Variants in RAB11FIP1 observed in about 807,000 individuals in gnomAD.
The protein encoded by RAB11FIP1 is rab11 family-interacting protein 1.
Under a neutral mutation model 83.1 loss-of-function variants are expected in RAB11FIP1, and 49 were observed. The observed-to-expected ratio is 0.59, with a 90% CI of 0.47 to 0.75. The LOEUF is 0.75. Ranked by LOEUF, RAB11FIP1 falls within the 30% of genes least tolerant of loss-of-function variation. The probability of loss-of-function intolerance (pLI) is 0.00; values close to 1 mark genes in which losing one functional copy is unlikely to be tolerated. For missense variants in RAB11FIP1, 1,536 were observed against 1,598.7 expected (o/e 0.96, Z 0.67); for synonymous variants, 670 against 656.0 (o/e 1.02, Z -0.33).
intron 1 of RAB11FIP1, among the ~76,000 whole-genome samples, chr8:37,896,218 G>A (rs1807087141): frequency 6.6e-6 from 1 of 151,842 alleles, no homozygotes; most frequent in Admixed American, 6.6e-5. Context: ...GCTGAGGCAG[G>A]AGAATTGCTA....
intron 1 of RAB11FIP1, among the ~76,000 whole-genome samples, chr8:37,892,698 A>G (rs1806974016): frequency 6.6e-6 from 1 of 152,100 alleles, no homozygotes; most frequent in African/African-American, 2.4e-5. Flanking sequence ...TTGGCCTCCC[A>G]AAGTACTGGG....
chr8:37,873,346 T>C (rs1806526181), intron 3 of RAB11FIP1, 167 bp from the exon 4 acceptor site: 3 of 692,070 alleles, frequency 4.3e-6, no homozygotes, highest in Non-Finnish European at 2.3e-6. Flanking sequence ...GGCTCACGCC[T>C]GTAATCCCAG....
chr8:37,890,863 A>C (rs1166598756), intron 1 of RAB11FIP1, among the ~76,000 whole-genome samples: 2 of 152,088 alleles, frequency 1.3e-5, no homozygotes. Flanking sequence ...CTTTGATTTC[A>C]TACTTCGGAC....
rs2130120762 is a variant in RAB11FIP1 at position 37,863,069 on chromosome 8, G to A, written c.3678C>T (p.Thr1226=). Residue 1226 remains threonine, a synonymous_variant, in exon 6 of 6, where the codon ACC becomes ACT. Coordinates refer to ENST00000330843, the MANE Select transcript of RAB11FIP1 (RefSeq NM_001002814.3). ...GGACCAGCTGAATCAGCTCATCGTG[G>A]GTCAGCTGCGCATATGCAAATGCAG... ...SDPAFAYAQL[T]HDELIQLVLK... The A allele has an allele frequency of 6.2e-7, 1 of 1,612,764 alleles. No homozygotes were observed. The highest frequency in any genetic ancestry group is 8.5e-7 in the Non-Finnish European group (1 of 1,179,998).
intron 2 of RAB11FIP1, among the ~76,000 whole-genome samples, chr8:37,875,558 G>T (rs1806591167): frequency 6.6e-6 from 1 of 152,164 alleles, no homozygotes; most frequent in Non-Finnish European, 1.5e-5. Context: ...CTGAGGTTGA[G>T]AAACTCTGGG....
At chr8:37,878,070 CT>C (rs1806654836) in intron 1 of RAB11FIP1, 1 of 152,486 alleles carries the variant, frequency 6.6e-6, no homozygotes. Context: ...TTATTTTGCA[CT>C]TTTATTTTTG....
At chr8:37,865,970 G>C (rs1311134529) in intron 5 of RAB11FIP1, among the ~76,000 whole-genome samples, 11 of 152,078 alleles carry the variant, frequency 7.2e-5, no homozygotes, top group Non-Finnish European at 4.4e-5. Flanking sequence ...TTTGGATTCT[G>C]TAATTGAAAG....
At chr8:37,865,973 A>G (rs1806333741) in intron 5 of RAB11FIP1, among the ~76,000 whole-genome samples, 1 of 152,166 alleles carries the variant, frequency 6.6e-6, no homozygotes, top group Non-Finnish European at 1.5e-5. Flanking sequence ...GGATTCTGTA[A>G]TTGAAAGGGA....
rs1470260445 is a variant in RAB11FIP1 at position 37,879,270 on chromosome 8, T to G, written c.372-1719A>C. 2.0e-5 allele frequency among the ~76,000 whole-genome samples: 3 copies of G among 151,800 alleles called. No homozygotes were observed. In the East Asian group the frequency reaches 5.8e-4, roughly 29 times the overall value. On this transcript the variant is annotated intron_variant, in intron 1 of 5. Transcript: ENST00000330843. ...TTGCAGTGAGCCAAGATCATGCCAC[T>G]GCACTCCAGCACTCCAGCTTAGGCG... is the stretch of plus-strand genomic sequence containing the variant.
chr8:37,873,333 G>A (rs573561921), intron 3 of RAB11FIP1, 154 bp from the exon 4 acceptor site: 53 of 793,686 alleles, frequency 6.7e-5, no homozygotes, highest in East Asian at 2.5e-4. Context: ...AGCCGGGCGC[G>A]GTGGCTCACG....
intron 4 of RAB11FIP1, 169 bp downstream of exon 4, chr8:37,871,109 G>A (rs757790711): frequency 8.2e-6 from 6 of 734,748 alleles, no homozygotes; most frequent in Non-Finnish European, 1.3e-5. Context: ...TATAAACGCA[G>A]CAGTGTCTTG....
chr8:37,867,740 G>A (rs1247032481), intron 5 of RAB11FIP1, among the ~76,000 whole-genome samples: 2 of 149,780 alleles, frequency 1.3e-5, no homozygotes, highest in East Asian at 3.9e-4. Flanking sequence ...AGGAAGGGAG[G>A]GAGGGAAAGA....
chr8:37,879,486 G>A (rs1806692218), intron 1 of RAB11FIP1, among the ~76,000 whole-genome samples: 1 of 152,208 alleles, frequency 6.6e-6, no homozygotes, highest in Admixed American at 6.6e-5. Context: ...GATGGGTATA[G>A]AGCTTCAGTT....
Position 37,877,428 on chromosome 8 carries a change from C to T in RAB11FIP1, c.495G>A (p.Lys165=). The T allele has an allele frequency of 4.3e-6, 7 of 1,614,152 alleles. No individual in the cohort carries two copies. The highest frequency in any genetic ancestry group is 5.9e-6 in the Non-Finnish European group (7 of 1,180,014). Reference sequence around the variant, plus strand: ...TCAGCTTTCCAAATGGATTCCGAGACTTGTCTTTCATAGAAAGGTCAAACA... The same window carrying T: ...TCAGCTTTCCAAATGGATTCCGAGATTTGTCTTTCATAGAAAGGTCAAACA... The part of the protein sequence containing the change: ...ASMFDLSMKD[K]SRNPFGKLKD... Residue 165 remains lysine, a synonymous_variant, in exon 2 of 6, where the codon AAG becomes AAA. Coordinates refer to ENST00000330843, the MANE Select transcript of RAB11FIP1 (RefSeq NM_001002814.3).
intron 2 of RAB11FIP1, among the ~76,000 whole-genome samples, chr8:37,876,186 C>T (rs879209010): frequency 6.9e-6 from 1 of 144,332 alleles, no homozygotes; most frequent in Non-Finnish European, 1.5e-5. Flanking sequence ...CAGAGCAAGA[C>T]TCCATCTCAA....
At chr8:37,863,240 TTC>T (rs1182544884) in intron 5 of RAB11FIP1, 127 bp from the exon 6 acceptor site, 3 of 587,532 alleles carry the variant, frequency 5.1e-6, no homozygotes, top group Non-Finnish European at 8.8e-6. Flanking sequence ...TCCATTTTCT[TTC>T]TTTCTTTCTT....
Position 37,871,744 on chromosome 8 carries a change from T to G in RAB11FIP1, c.3058A>C (p.Arg1020=), listed in dbSNP as rs573314499. 8 of 1,613,724 alleles carry G rather than the reference T, an allele frequency of 5.0e-6. No individual in the cohort carries two copies. The South Asian group carries it at 8.8e-5, about 18-fold the overall frequency. Reference sequence around the variant, plus strand: ...CACAGGCCCTCCCCCAGTACCAACCTATCTGCCTCGCCACTGGGCCCCTTT... The same window carrying G: ...CACAGGCCCTCCCCCAGTACCAACCGATCTGCCTCGCCACTGGGCCCCTTT... ...RGKGPSGEAD[R]LVLGEGLCDF... is the part of the protein sequence containing the mutation. The change falls in exon 4 of 6, where the codon AGG becomes CGG. Residue 1020 remains arginine, a synonymous_variant. Transcript: ENST00000330843.
rs1000572142 is a variant in RAB11FIP1, at chr8:37,861,156, G to A, written c.*1739C>T. ...AATTACCTGAAAAATCTCAGCTGGTGCTTTTAGCTAAGAAGGAAGCAAGTG... is the reference window on the plus strand; with the variant it reads ...AATTACCTGAAAAATCTCAGCTGGTACTTTTAGCTAAGAAGGAAGCAAGTG... On this transcript the variant is annotated 3_prime_UTR_variant, in exon 6 of 6. Transcript: ENST00000330843. 2 of 152,794 alleles carry A rather than the reference G, an allele frequency of 1.3e-5. No individual in the cohort carries two copies. The highest frequency in any genetic ancestry group is 2.9e-5 in the Non-Finnish European group (2 of 68,780). 9.5% of individuals were successfully genotyped at this position (152,794 alleles called of 1,614,324 possible).
chr8:37,884,460 T>C (rs1806787607), intron 1 of RAB11FIP1, among the ~76,000 whole-genome samples: 1 of 152,074 alleles, frequency 6.6e-6, no homozygotes, highest in Admixed American at 6.5e-5. Flanking sequence ...CATTCATAGC[T>C]CACAGCAGCT....
Sources: allele counts gnomAD v4.1 joint callset (sites outside exome capture counted in the v4.1 genomes callset), GRCh38; gene constraint gnomAD v4.1.1; transcripts MANE v1.5; gene names NCBI Gene and HGNC (gene_info 2026-07-23, HGNC 2026-07-21).